MBTPS2: variants seen among roughly 807,000 people sequenced by gnomAD.
MBTPS2 encodes membrane bound transcription factor peptidase, site 2.
Under a neutral mutation model 35.4 loss-of-function variants are expected in MBTPS2, and 2 were observed. The ratio of observed to expected loss-of-function variants is 0.06; its 90% CI spans 0.02 to 0.18. The LOEUF is 0.18. MBTPS2 is among the 10% of genes least tolerant of loss of function. The probability of loss-of-function intolerance (pLI) is 1.00; values close to 1 mark genes in which losing one functional copy is unlikely to be tolerated. For missense variants in MBTPS2, 244 were observed against 386.5 expected (o/e 0.63, Z 3.09); for synonymous variants, 125 against 140.4 (o/e 0.89, Z 0.77).
At chrX:21,862,933 CATATATATATATATAT>C (rs542223686) in intron 5 of MBTPS2, among the ~76,000 whole-genome samples, 4,919 of 27,681 alleles carry the variant, frequency 0.18, 522 homozygotes, top group South Asian at 0.43. Flanking sequence ...TATATATAAA[CATATATATATATATAT>C]ATATATATAT....
In MBTPS2 at chrX:21,868,316, G is replaced by A. The variant is rs2092943043; in HGVS notation, c.671-151G>A. ...GAAAGTAACTAATAATTGAACATCTGTCTGCTCTACTAATAAGTAGATATT... is the reference window on the plus strand; with the variant it reads ...GAAAGTAACTAATAATTGAACATCTATCTGCTCTACTAATAAGTAGATATT... On this transcript the variant is annotated intron_variant, in intron 5 of 10. Transcript: ENST00000379484. 9.2e-6 allele frequency: 5 copies of A among 541,689 alleles called. 1 individual carries two copies. The Admixed American group carries it at 1.2e-4, about 12-fold the overall frequency. The allele number at this position is 541,689 out of a possible 1,213,427, so 44.6% of individuals were successfully genotyped here. A position where few individuals can be genotyped will look rare whatever the true frequency, so the allele number is the denominator to read the frequency against.
At chrX:21,856,589 T>G in intron 5 of MBTPS2, 1 of 1,211,611 alleles carries the variant, frequency 8.3e-7, no homozygotes, top group Non-Finnish European at 1.1e-6. Flanking sequence ...TGGAGGACAT[T>G]CCGACGGAAA....
intron 7 of MBTPS2, chrX:21,870,510 G>T (rs1166295550): frequency 2.7e-5 from 3 of 111,667 alleles, no homozygotes; most frequent in African/African-American, 9.8e-5. Context: ...ATGCAATAAG[G>T]AAAGATTACA....
chrX:21,850,481 T>C (rs1375642960), intron 3 of MBTPS2, among the ~76,000 whole-genome samples: 1 of 111,007 alleles, frequency 9.0e-6, no homozygotes, highest in Non-Finnish European at 1.9e-5. Context: ...TAAACATATT[T>C]TTTATAATTA....
intron 5 of MBTPS2, among the ~76,000 whole-genome samples, chrX:21,862,959 TATATATATA>T: frequency 1.8e-5 from 1 of 55,991 alleles, no homozygotes; most frequent in Non-Finnish European, 3.2e-5. Flanking sequence ...TATATATATA[TATATATATA>T]AAACCGACTG....
chrX:21,840,532 AG>A (rs1397723334), intron 1 of MBTPS2, among the ~76,000 whole-genome samples: 72 of 112,050 alleles, frequency 6.4e-4, no homozygotes, highest in African/African-American at 2.1e-3. Flanking sequence ...TGAGAAGGGT[AG>A]CAAAAAATCA....
At chrX:21,844,538 G>C (rs1029612216) in intron 2 of MBTPS2, among the ~76,000 whole-genome samples, 1 of 111,754 alleles carries the variant, frequency 8.9e-6, no homozygotes, top group African/African-American at 3.3e-5. Context: ...GAATTGAAAA[G>C]AGGACATTAC....
At chrX:21,866,626 A>T (rs1015184505) in intron 5 of MBTPS2, among the ~76,000 whole-genome samples, 2 of 112,027 alleles carry the variant, frequency 1.8e-5, no homozygotes, top group Non-Finnish European at 3.8e-5. Flanking sequence ...ACAAATCTGT[A>T]CTGAGAGATG....
Position 21,885,403 on chromosome X carries a change from T to A in MBTPS2, c.*2748T>A, listed in dbSNP as rs2092963701. ...ATGTTTAGCAATAAAAGAATAAATG[T>A]GTACCAGCATTTTATGTTTATCATC... On this transcript the variant is annotated 3_prime_UTR_variant, in exon 11 of 11. Coordinates refer to ENST00000379484, the MANE Select transcript of MBTPS2 (RefSeq NM_015884.4). 1 of 751,800 alleles carries A rather than the reference T, an allele frequency of 1.3e-6. No homozygotes were observed. Among genetic ancestry groups the A allele is most frequent in the African/African-American group, 2.3e-5 (1 of 43,882 alleles). The allele number at this position is 751,800 out of a possible 1,213,427, so 62.0% of individuals were successfully genotyped here.
Position 21,869,599 on chromosome X carries a change from A to G in MBTPS2, c.891A>G (p.Leu297=), listed in dbSNP as rs2092944654. 8.3e-7 allele frequency: 1 copy of G among 1,209,313 alleles called. No individual in the cohort carries two copies. The highest frequency in any genetic ancestry group is 1.1e-6 in the Non-Finnish European group (1 of 893,226). The change falls in exon 7 of 11, where the codon TTA becomes TTG. Residue 297 remains leucine (L), a synonymous_variant. Coordinates refer to ENST00000379484, the MANE Select transcript of MBTPS2 (RefSeq NM_015884.4). ...ATGTGCAAGATTGGAATGAATGTTTAGATACCATCGCCTATGAGCCCCAAA... is the reference window on the plus strand; with the variant it reads ...ATGTGCAAGATTGGAATGAATGTTTGGATACCATCGCCTATGAGCCCCAAA... ...VTNVQDWNEC[L]DTIAYEPQIG... is the part of the protein sequence containing the mutation.
chrX:21,855,437 C>A (rs2092919587), intron 5 of MBTPS2, among the ~76,000 whole-genome samples: 2 of 109,497 alleles, frequency 1.8e-5, no homozygotes, highest in Non-Finnish European at 3.8e-5. Flanking sequence ...ATAAAGAACG[C>A]CCTTTTTCTT....
At chrX:21,880,724 C>A (rs6633469) in intron 9 of MBTPS2, among the ~76,000 whole-genome samples, 173 bp from the exon 10 acceptor site, 5,757 of 111,455 alleles carry the variant, frequency 0.052, 296 homozygotes, top group Admixed American at 0.22. Context: ...ATTAGATGTT[C>A]TAGAAGTATT....
intron 5 of MBTPS2, chrX:21,858,645 T>G (rs1235682496): frequency 2.5e-5 from 3 of 122,309 alleles, no homozygotes; most frequent in Non-Finnish European, 5.6e-5. Context: ...ATGTCAACAC[T>G]TTGGGAGGCC....
intron 7 of MBTPS2, chrX:21,872,758 A>G (rs1219855457): frequency 9.2e-6 from 1 of 108,983 alleles, no homozygotes; most frequent in Admixed American, 1.0e-4. Context: ...AACCAGTTAC[A>G]GAATTCTTTG....
intron 5 of MBTPS2, chrX:21,856,501 A>T (rs373080241): frequency 7.5e-6 from 9 of 1,205,867 alleles, no homozygotes; most frequent in Non-Finnish European, 1.0e-5. Flanking sequence ...TCCAACGAAG[A>T]TTTCTCCATC....
chrX:21,854,201 A>G (rs1294958768), intron 5 of MBTPS2, among the ~76,000 whole-genome samples: 2 of 112,363 alleles, frequency 1.8e-5, no homozygotes, highest in African/African-American at 3.2e-5. Context: ...AGGCTTGAGT[A>G]TATCACTTAA....
intron 1 of MBTPS2, among the ~76,000 whole-genome samples, chrX:21,842,596 C>A (rs770477427): frequency 9.0e-6 from 1 of 111,133 alleles, no homozygotes; most frequent in African/African-American, 3.3e-5. Context: ...TAATGCCCCC[C>A]CCAAAAGTAA....
At chrX:21,840,334 GCATTTCTAACCAGTTCC>G (rs2092901374) in intron 1 of MBTPS2, among the ~76,000 whole-genome samples, 1 of 112,221 alleles carries the variant, frequency 8.9e-6, no homozygotes, top group Non-Finnish European at 1.9e-5. Flanking sequence ...CTAAAATTCT[GCATTTCTAACCAGTTCC>G]CAAGTGCTAC....
chrX:21,881,480 A>C (rs1274530500), intron 10 of MBTPS2, among the ~76,000 whole-genome samples: 1 of 112,120 alleles, frequency 8.9e-6, no homozygotes, highest in Non-Finnish European at 1.9e-5. Context: ...ATAAAAGATG[A>C]ATTTTTTCAT....
Sources: allele counts gnomAD v4.1 joint callset (sites outside exome capture counted in the v4.1 genomes callset), GRCh38; gene constraint gnomAD v4.1.1; transcripts MANE v1.5; gene names NCBI Gene and HGNC (gene_info 2026-07-23, HGNC 2026-07-21).